LPAR6: variants seen among roughly 807,000 people sequenced by gnomAD.
The protein encoded by LPAR6 is G-protein coupled purinergic receptor P2Y5.
A neutral mutation model predicts 22.0 loss-of-function variants in LPAR6; 17 were observed. The ratio of observed to expected loss-of-function variants is 0.77; its 90% CI spans 0.53 to 1.16. The LOEUF is 1.16. Among genes scored for constraint, LPAR6 ranks in the 50% most tolerant of loss-of-function variants. LPAR6 has a pLI of 0.00. For synonymous variants in LPAR6, 136 were observed against 139.8 expected, an observed-to-expected ratio of 0.97 and a Z score of 0.19; for missense variants, 384 against 406.9, an observed-to-expected ratio of 0.94 and a Z score of 0.48.
chr13:48,399,402 T>C (rs1056316463), intron 1 of LPAR6, among the ~76,000 whole-genome samples: 3 of 152,000 alleles, frequency 2.0e-5, no homozygotes, highest in Non-Finnish European at 4.4e-5. Context: ...TCTACAAAAA[T>C]TTTAAGATAG....
chr13:48,412,273 C>G lies in LPAR6; in HGVS notation c.151G>C (p.Glu51Gln). 1 of 1,614,080 alleles carries G rather than the reference C, an allele frequency of 6.2e-7. No homozygotes were observed. Among genetic ancestry groups the G allele is most frequent in the East Asian group, 2.2e-5 (1 of 44,864 alleles). ...AAGTTAATCATGTAAGTTGTAGTTT[C>G]ATTTCGGACTTTGAGGACGCAGATG... ...IFICVLKVRNETTTYMINLAM... is the reference protein window; with the variant it reads ...IFICVLKVRNQTTTYMINLAM... Residue 51 changes from glutamate (E) to glutamine (Q), a missense_variant, in exon 1 of 1, where the codon GAA becomes CAA. Transcript: ENST00000620633.
intron 1 of LPAR6, among the ~76,000 whole-genome samples, chr13:48,402,618 C>T (rs1156425250): frequency 6.6e-6 from 1 of 151,992 alleles, no homozygotes; most frequent in African/African-American, 2.4e-5. Flanking sequence ...CTCAAGTGAT[C>T]CTATTGCTTT....
At position 48,411,805 on chromosome 13, in the gene LPAR6, C is replaced by A; in HGVS notation, c.619G>T (p.Val207Leu). The change falls in exon 1 of 1, where the codon GTG becomes TTG. Residue 207 changes from valine to leucine, a missense_variant. Val to Leu is a conservative substitution (Grantham distance 32, BLOSUM62 1). Coordinates refer to ENST00000620633, the MANE Select transcript of LPAR6 (RefSeq NM_001162498.3). ...LILNVTCSSM[V>L]LKTLTKPVTL... is the part of the protein sequence containing the mutation. ...ACAGGTTTGGTTAAAGTTTTTAGCACCATACTAGAACAAGTTACATTTAAA... is the reference window on the plus strand; with the variant it reads ...ACAGGTTTGGTTAAAGTTTTTAGCAACATACTAGAACAAGTTACATTTAAA... The A allele has an allele frequency of 1.2e-6, 2 of 1,612,636 alleles. No homozygotes were observed. Among genetic ancestry groups the A allele is most frequent in the South Asian group, 1.1e-5 (1 of 91,020 alleles).
At chr13:48,399,373 TC>T (rs1409096547) in intron 1 of LPAR6, among the ~76,000 whole-genome samples, 1 of 152,044 alleles carries the variant, frequency 6.6e-6, no homozygotes, top group Non-Finnish European at 1.5e-5. Flanking sequence ...ACATTATTTT[TC>T]TGCTAGTGAA....
chr13:48,400,736 T>TA (rs1948684915), intron 1 of LPAR6, among the ~76,000 whole-genome samples: 1 of 152,156 alleles, frequency 6.6e-6, no homozygotes, highest in Non-Finnish European at 1.5e-5. Context: ...AAAATAGGGA[T>TA]AACTTTCAGT....
At chr13:48,392,515 T>TCA (rs1948618820) in intron 1 of LPAR6, among the ~76,000 whole-genome samples, 1 of 152,194 alleles carries the variant, frequency 6.6e-6, no homozygotes, top group African/African-American at 2.4e-5. Flanking sequence ...TTTTTTCTTC[T>TCA]GAGGTATCTA....
At position 48,411,180 on chromosome 13, in the gene LPAR6, G is replaced by A. The variant is rs560008032; in HGVS notation, c.*209C>T. 2.1e-3 allele frequency: 984 copies of A among 469,828 alleles called. 22 individuals are homozygous for A. In the South Asian group the frequency reaches 0.032, roughly 15 times the overall value. 29.1% of individuals were successfully genotyped at this position (469,828 alleles called of 1,614,324 possible). On this transcript the variant is annotated 3_prime_UTR_variant, in exon 1 of 1. Transcript: ENST00000620633. ...TTTTAATGAAGGAACAAATCAAAAT[G>A]GCTCAGAAAAATCAGATGGAGTGGA...
chr13:48,401,625 G>A (rs1381172699), intron 1 of LPAR6, among the ~76,000 whole-genome samples: 1 of 152,082 alleles, frequency 6.6e-6, no homozygotes, highest in African/African-American at 2.4e-5. Context: ...TGTGGTCCTT[G>A]GTGTTGTTAC....
chr13:48,411,221 C>T lies in LPAR6; in HGVS notation c.*168G>A, dbSNP rs947546709. ...ATGGAGTGGATACACAAATAAAATA[C>T]ATGTTAATGCTTAACACATTGAATA... is the stretch of plus-strand genomic sequence containing the variant. On this transcript the variant is annotated 3_prime_UTR_variant, in exon 1 of 1. Coordinates refer to ENST00000620633, the MANE Select transcript of LPAR6 (RefSeq NM_001162498.3). The T allele has an allele frequency of 1.1e-4, 61 of 579,146 alleles. No homozygotes were observed. In the South Asian group the frequency reaches 1.1e-3, roughly 10 times the overall value. 35.9% of individuals were successfully genotyped at this position (579,146 alleles called of 1,614,324 possible).
intron 1 of LPAR6, among the ~76,000 whole-genome samples, chr13:48,400,393 A>G (rs1009563466): frequency 6.6e-6 from 1 of 152,138 alleles, no homozygotes; most frequent in Non-Finnish European, 1.5e-5. Context: ...AACTCAGGCT[A>G]TCTGGTTCCA....
At chr13:48,419,968 A>G (rs963923276) in intron 2 of LPAR6, among the ~76,000 whole-genome samples, 9 of 152,230 alleles carry the variant, frequency 5.9e-5, no homozygotes, top group Non-Finnish European at 5.9e-5. Flanking sequence ...TACAAGGAGG[A>G]GCTGGTACTA....
rs1264391194 is a variant in LPAR6, at chr13:48,412,580, A to G, written c.-157T>C. The G allele has an allele frequency of 9.3e-6, 6 of 646,374 alleles. No individual in the cohort carries two copies. In the Admixed American group the frequency reaches 1.4e-4, roughly 15 times the overall value. 40.0% of individuals were successfully genotyped at this position (646,374 alleles called of 1,614,324 possible). A position where few individuals can be genotyped will look rare whatever the true frequency, so the allele number is the denominator to read the frequency against. Reference sequence around the variant, plus strand: ...TATTTCCTTTTTCTCAGAAATACCCAAAAGAAACATGAAATTTGTTGCTGT... The same window carrying G: ...TATTTCCTTTTTCTCAGAAATACCCGAAAGAAACATGAAATTTGTTGCTGT... On this transcript the variant is annotated 5_prime_UTR_variant, in exon 1 of 1. Transcript: ENST00000620633.
At chr13:48,432,981 T>G (rs1381291766) in intron 1 of LPAR6, among the ~76,000 whole-genome samples, 1 of 152,188 alleles carries the variant, frequency 6.6e-6, no homozygotes, top group East Asian at 1.9e-4. Flanking sequence ...CTTTAAGATT[T>G]GGAATGGGAT....
chr13:48,396,221 G>A (rs1053479799), intron 1 of LPAR6, among the ~76,000 whole-genome samples: 21 of 152,040 alleles, frequency 1.4e-4, no homozygotes, highest in Admixed American at 3.3e-4. Context: ...AAAGCTGGAG[G>A]CATCACGCTA....
intron 1 of LPAR6, chr13:48,426,577 T>A (rs1949082358): frequency 6.6e-6 from 1 of 152,228 alleles, no homozygotes; most frequent in Admixed American, 6.5e-5. Flanking sequence ...AAGTCCACCT[T>A]ACCCCTGTTA....
At position 48,412,630 on chromosome 13, in the gene LPAR6, A is replaced by C; in HGVS notation, c.-207T>G. On this transcript the variant is annotated 5_prime_UTR_variant, in exon 1 of 1. Coordinates refer to ENST00000620633, the MANE Select transcript of LPAR6 (RefSeq NM_001162498.3). ...TAAAATTTCCGCTGGGTTCTTCAAC[A>C]GGAAAATATTTTCATTTGTTAGTCT... is the stretch of plus-strand genomic sequence containing the variant. The C allele has an allele frequency of 3.3e-6, 2 of 598,698 alleles. No homozygotes were observed. Among genetic ancestry groups the C allele is most frequent in the Non-Finnish European group, 6.1e-6 (2 of 328,516 alleles). The allele number at this position is 598,698 out of a possible 1,614,324, so 37.1% of individuals were successfully genotyped here.
At chr13:48,419,132 T>C (rs930008741) in intron 2 of LPAR6, among the ~76,000 whole-genome samples, 4 of 152,160 alleles carry the variant, frequency 2.6e-5, no homozygotes, top group African/African-American at 9.7e-5. Context: ...AACCACATGA[T>C]TGGGAGTAAA....
rs187914506 is a variant in LPAR6, at chr13:48,419,203, A to T, written c.-953-1883T>A. Among the ~76,000 whole-genome samples, 206 of 152,370 alleles carry T rather than the reference A, an allele frequency of 1.4e-3. 2 individuals are homozygous for T. The highest frequency in any genetic ancestry group is 0.01 in the Middle Eastern group (3 of 294). On this transcript the variant is annotated intron_variant, in intron 2 of 4. Coordinates refer to the LPAR6 transcript ENST00000345941. ...AACACAGTCTCTGAGACCTCAGTGC[A>T]ATCAAATTAGAACTCAGGATTAAGA... is the stretch of plus-strand genomic sequence containing the variant.
chr13:48,424,603 C>CT (rs5803436), intron 1 of LPAR6, among the ~76,000 whole-genome samples: 118,896 of 152,152 alleles, frequency 0.78, 52,230 homozygotes, highest in Non-Finnish European at 0.97. Context: ...TCTTCCTTAT[C>CT]TTTTTTTCCG....
Sources: allele counts gnomAD v4.1 joint callset (sites outside exome capture counted in the v4.1 genomes callset), GRCh38; gene constraint gnomAD v4.1.1; transcripts MANE v1.5; gene names NCBI Gene and HGNC (gene_info 2026-07-23, HGNC 2026-07-21).